The following RTL4 variants were observed in gnomAD, a reference collection of about 807,000 sequenced individuals.
RTL4 encodes the protein retrotransposon Gag like 4.
A neutral mutation model predicts 5.3 loss-of-function variants in RTL4; 4 were observed. The observed-to-expected ratio is 0.75, with a 90% confidence interval of 0.37 to 1.72. The LOEUF is 1.72. RTL4 is among the 40% of genes most tolerant of loss of function. The pLI is 0.04. For synonymous variants in RTL4, 98 were observed against 87.3 expected, an observed-to-expected ratio of 1.12 and a Z score of -0.68; for missense variants, 260 against 227.1, an observed-to-expected ratio of 1.14 and a Z score of -0.93.
the RTL4 span, among the ~76,000 whole-genome samples, chrX:112,310,461 G>T: frequency 3.8e-4 from 2 of 5,206 alleles, no homozygotes; most frequent in Non-Finnish European, 1.1e-3. Context: ...ATATTATATA[G>T]AAATATATAT....
the RTL4 span, among the ~76,000 whole-genome samples, chrX:112,444,848 T>C: frequency 8.9e-6 from 1 of 112,219 alleles, no homozygotes; most frequent in Non-Finnish European, 1.9e-5. Flanking sequence ...CGATATCAGT[T>C]GTAATGTCTC....
chrX:112,381,408 A>G, the RTL4 span: 10 of 1,209,653 alleles, frequency 8.3e-6, no homozygotes, highest in Non-Finnish European at 1.1e-5. Flanking sequence ...GATCTGAACA[A>G]GCATATAAAA....
At chrX:112,382,331 C>A in the RTL4 span, 37 of 525,745 alleles carry the variant, frequency 7.0e-5, no homozygotes, top group African/African-American at 3.8e-4. Context: ...TGTAAAATCT[C>A]TATCATGATG....
chrX:112,391,024 C>A, the RTL4 span, among the ~76,000 whole-genome samples: 1 of 111,810 alleles, frequency 8.9e-6, no homozygotes, highest in African/African-American at 3.2e-5. Context: ...TCTTTTTATT[C>A]TTTTTTATTT....
At chrX:112,351,221 G>A in the RTL4 span, among the ~76,000 whole-genome samples, 1 of 109,864 alleles carries the variant, frequency 9.1e-6, no homozygotes, top group Non-Finnish European at 1.9e-5. Flanking sequence ...ATTGCACTGT[G>A]GTCTGAGAGA....
the RTL4 span, among the ~76,000 whole-genome samples, chrX:112,190,451 G>C: frequency 9.0e-6 from 1 of 110,559 alleles, no homozygotes; most frequent in Non-Finnish European, 1.9e-5. Context: ...AAGAGGCCCA[G>C]CTCCCCAAAG....
chrX:112,176,268 A>G, the RTL4 span, among the ~76,000 whole-genome samples: 1 of 112,324 alleles, frequency 8.9e-6, no homozygotes, highest in Non-Finnish European at 1.9e-5. Context: ...ATGGGTAGGA[A>G]GAATCAATAT....
chrX:112,335,944 G>C, the RTL4 span, among the ~76,000 whole-genome samples: 5 of 109,869 alleles, frequency 4.6e-5, no homozygotes, highest in African/African-American at 1.7e-4. Context: ...CCAGATTCAC[G>C]CCATTCTCCT....
the RTL4 span, among the ~76,000 whole-genome samples, chrX:112,196,649 T>C: frequency 8.9e-6 from 1 of 111,963 alleles, no homozygotes; most frequent in African/African-American, 3.2e-5. Context: ...CATTTGGTGT[T>C]GTCACAATTT....
chrX:112,115,527 T>C, the RTL4 span, among the ~76,000 whole-genome samples: 19 of 111,357 alleles, frequency 1.7e-4, no homozygotes, highest in Admixed American at 1.6e-3. Context: ...TCTCATCATA[T>C]GAATAGGAAG....
chrX:112,091,105 C>T, the RTL4 span, among the ~76,000 whole-genome samples: 1 of 111,323 alleles, frequency 9.0e-6, no homozygotes, highest in Admixed American at 9.5e-5. Flanking sequence ...AATGTCCCCA[C>T]TTTCATTTCT....
At chrX:112,389,886 G>C in the RTL4 span, among the ~76,000 whole-genome samples, 3 of 104,836 alleles carry the variant, frequency 2.9e-5, no homozygotes, top group Non-Finnish European at 5.8e-5. Flanking sequence ...GTTGTTTTGA[G>C]GTGGAGAGTT....
At chrX:112,296,990 G>A in the RTL4 span, among the ~76,000 whole-genome samples, 11 of 110,149 alleles carry the variant, frequency 1.0e-4, no homozygotes, top group Non-Finnish European at 2.1e-4. Flanking sequence ...AAAAAGATAG[G>A]ATTCAGGTGA....
At chrX:112,096,527 G>A in the RTL4 span, among the ~76,000 whole-genome samples, 3 of 111,577 alleles carry the variant, frequency 2.7e-5, no homozygotes, top group African/African-American at 9.8e-5. Flanking sequence ...TTGAGCAAGG[G>A]ACTGATGGGA....
the RTL4 span, among the ~76,000 whole-genome samples, chrX:112,110,406 C>T: frequency 9.0e-6 from 1 of 111,551 alleles, no homozygotes; most frequent in South Asian, 3.8e-4. Flanking sequence ...GATAAACTGG[C>T]TATTCTGGTT....
chrX:112,087,591 G>C, the RTL4 span, among the ~76,000 whole-genome samples: 1 of 111,691 alleles, frequency 9.0e-6, no homozygotes, highest in Non-Finnish European at 1.9e-5. Flanking sequence ...AAAGACACAA[G>C]TCCTTATGGA....
At chrX:112,400,413 A>G in the RTL4 span, among the ~76,000 whole-genome samples, 1 of 111,487 alleles carries the variant, frequency 9.0e-6, no homozygotes, top group Non-Finnish European at 1.9e-5. Context: ...TTATTTTTCA[A>G]ATCTTTTTTA....
At chrX:112,301,096 A>G in the RTL4 span, among the ~76,000 whole-genome samples, 12 of 111,644 alleles carry the variant, frequency 1.1e-4, no homozygotes, top group Admixed American at 8.6e-4. Context: ...GGCCAAGCTG[A>G]GGAGAGTAGG....
chrX:112,320,916 G>A, the RTL4 span, among the ~76,000 whole-genome samples: 2 of 111,703 alleles, frequency 1.8e-5, no homozygotes, highest in Non-Finnish European at 3.8e-5. Context: ...GCTCCTAAAA[G>A]AGGGAGGGGA....
Sources: allele counts gnomAD v4.1 joint callset (sites outside exome capture counted in the v4.1 genomes callset), GRCh38; gene constraint gnomAD v4.1.1; transcripts MANE v1.5; gene names NCBI Gene and HGNC (gene_info 2026-07-23, HGNC 2026-07-21).